TPPP: variants seen among roughly 807,000 people sequenced by gnomAD.
TPPP encodes tubulin polymerization promoting protein.
TPPP carries 6 observed loss-of-function variants against 15.5 expected under a neutral mutation model. The ratio of observed to expected loss-of-function variants is 0.39; its 90% CI spans 0.21 to 0.77. The LOEUF (loss-of-function observed/expected upper bound fraction) is 0.77, where lower values mean the gene tolerates loss of function less well. TPPP is among the 30% of genes least tolerant of loss of function. TPPP has a pLI of 0.42. For missense variants in TPPP, 269 were observed against 307.2 expected, an observed-to-expected ratio of 0.88 and a Z score of 0.93; for synonymous variants, 146 against 133.9, an observed-to-expected ratio of 1.09 and a Z score of -0.63.
chr5:675,486 G>T (rs866396810), intron 2 of TPPP, among the ~76,000 whole-genome samples: 1 of 141,442 alleles, frequency 7.1e-6, no homozygotes, highest in African/African-American at 2.8e-5. Flanking sequence ...GTGGCCAGGG[G>T]TACATTGTGG....
At chr5:681,093 T>A (rs1449431002) in intron 1 of TPPP, among the ~76,000 whole-genome samples, 1 of 152,160 alleles carries the variant, frequency 6.6e-6, no homozygotes, top group Admixed American at 6.5e-5. Context: ...TGGGCGCCTC[T>A]CCCTTGGCGC....
chr5:677,481 A>C (rs1431296283), intron 2 of TPPP, among the ~76,000 whole-genome samples: 1 of 151,956 alleles, frequency 6.6e-6, no homozygotes, highest in Non-Finnish European at 1.5e-5. Flanking sequence ...CCATGCCGAA[A>C]CCCTACACAC....
intron 2 of TPPP, among the ~76,000 whole-genome samples, chr5:667,670 G>C (rs1032975094): frequency 1.3e-4 from 19 of 151,964 alleles, no homozygotes; most frequent in African/African-American, 1.7e-4. Context: ...TTGTCTCTGA[G>C]ATACACAAAG....
At chr5:673,014 AGACTTTTTCTCCACAAGTCCTGT>A (rs1191736794) in intron 2 of TPPP, among the ~76,000 whole-genome samples, 1 of 152,230 alleles carries the variant, frequency 6.6e-6, no homozygotes, top group Non-Finnish European at 1.5e-5. Context: ...AGAAATCGGT[AGACTTTTTCTCCACAAGTCCTGT>A]CAGAGTCAGC....
At chr5:673,053 T>C (rs1026578432) in intron 2 of TPPP, among the ~76,000 whole-genome samples, 2 of 152,264 alleles carry the variant, frequency 1.3e-5, no homozygotes, top group African/African-American at 4.8e-5. Flanking sequence ...TCAGCAGCTT[T>C]CTGCAGTACC....
rs1467152487 is a variant in TPPP, at chr5:663,154, G to A, written c.*1948C>T. 7.7e-6 allele frequency: 1 copy of A among 129,306 alleles called. No individual in the cohort carries two copies. Among genetic ancestry groups the A allele is most frequent in the African/African-American group, 2.5e-5 (1 of 39,630 alleles). The allele number at this position is 129,306 out of a possible 1,614,324, so 8.0% of individuals were successfully genotyped here. ...TTCCGGTGACCGCTCGTCTGTGATC[G>A]GGTGAGTCCGATGACTGCTCGTCTG... On this transcript the variant is annotated 3_prime_UTR_variant, in exon 4 of 4. Coordinates refer to ENST00000360578, the MANE Select transcript of TPPP (RefSeq NM_007030.3).
chr5:679,730 G>T (rs1561090434), intron 1 of TPPP, among the ~76,000 whole-genome samples: 1 of 152,092 alleles, frequency 6.6e-6, no homozygotes, highest in Non-Finnish European at 1.5e-5. Context: ...CTCCTGTGGG[G>T]ACGCGCCTGA....
In TPPP at chr5:660,327, TGG is replaced by T. The variant is rs1320088901; in HGVS notation, c.*4773_*4774del. ...AGTTGTGCAGATTTCCTTTGTGGTT[TGG>T]CTTGGTTTAGTTTTTTAAGAGGTCG... is the stretch of plus-strand genomic sequence containing the variant. On this transcript the variant is annotated 3_prime_UTR_variant, in exon 4 of 4. Coordinates refer to ENST00000360578, the MANE Select transcript of TPPP (RefSeq NM_007030.3). 1 of 152,178 alleles carries T rather than the reference TGG, an allele frequency of 6.6e-6. No homozygotes were observed. The highest frequency in any genetic ancestry group is 1.5e-5 in the Non-Finnish European group (1 of 68,014). The allele number at this position is 152,178 out of a possible 1,614,324, so 9.4% of individuals were successfully genotyped here. A position where few individuals can be genotyped will look rare whatever the true frequency, so the allele number is the denominator to read the frequency against.
In TPPP at chr5:674,990, C is replaced by T. The variant is rs1046204758; in HGVS notation, c.311+2760G>A. On this transcript the variant is annotated intron_variant, in intron 2 of 3. Transcript: ENST00000360578. ...AGTCAGTCCACAAAGGATCTGTGGC[C>T]GGGGGAGCAGTGAGGGGGGCACAGT... 1.1e-3 allele frequency among the ~76,000 whole-genome samples: 118 copies of T among 111,842 alleles called. 1 individual carries two copies. Among genetic ancestry groups the T allele is most frequent in the Admixed American group, 2.3e-3 (21 of 9,042 alleles). The allele number at this position is 111,842 out of a possible 152,430, so 73.4% of individuals were successfully genotyped here. A position where few individuals can be genotyped will look rare whatever the true frequency, so the allele number is the denominator to read the frequency against.
intron 2 of TPPP, chr5:675,987 G>C (rs1205292028): frequency 6.6e-6 from 1 of 152,108 alleles, no homozygotes; most frequent in East Asian, 1.9e-4. Context: ...TCGCACCCGG[G>C]GCCCTGGATG....
chr5:680,701 C>T (rs1162127462), intron 1 of TPPP, among the ~76,000 whole-genome samples: 1 of 151,542 alleles, frequency 6.6e-6, no homozygotes, highest in East Asian at 1.9e-4. Context: ...CTTCCAAAGC[C>T]CGCCTCTGCG....
In TPPP at chr5:673,471, G is replaced by A. The variant is rs182372823; in HGVS notation, c.311+4279C>T. Among the ~76,000 whole-genome samples the A allele has an allele frequency of 1.9e-3, 286 of 152,158 alleles. 1 individual carries two copies. The highest frequency in any genetic ancestry group is 6.6e-3 in the African/African-American group (272 of 41,504). On this transcript the variant is annotated intron_variant, in intron 2 of 3. Coordinates refer to ENST00000360578, the MANE Select transcript of TPPP (RefSeq NM_007030.3). Reference sequence around the variant, plus strand: ...GGCTGCAGGTGAATGGGGAGGGGGGGAGGTCAGAATCCCTTGGCCTCCCCT... The same window carrying A: ...GGCTGCAGGTGAATGGGGAGGGGGGAAGGTCAGAATCCCTTGGCCTCCCCT...
In TPPP at chr5:665,989, G is replaced by A. The variant is rs1430685035; in HGVS notation, c.446C>T (p.Pro149Leu). 6 of 1,583,130 alleles carry A rather than the reference G, an allele frequency of 3.8e-6. No homozygotes were observed. The Admixed American group carries it at 5.1e-5, about 13-fold the overall frequency. The change falls in exon 3 of 4, where the codon CCC (proline) becomes CTC (leucine). Residue 149 changes from proline (P) to leucine (L), a missense_variant. Transcript: ENST00000360578. Reference sequence around the variant, plus strand: ...GCTCACCGTCACCCCTGAGATGATGGGCGCCTTGCCCTCGATGAGCCTGTG... The same window carrying A: ...GCTCACCGTCACCCCTGAGATGATGAGCGCCTTGCCCTCGATGAGCCTGTG... ...EVHRLIEGKA[P>L]IISGVTKAIS...
In TPPP at chr5:662,815, G is replaced by A. The variant is rs777395032; in HGVS notation, c.*2287C>T. On this transcript the variant is annotated 3_prime_UTR_variant, in exon 4 of 4. Transcript: ENST00000360578. ...CTCGTCCTCGGCCTTTTCAACACAA[G>A]GGCTTTGGAGTTGTGATGGGCTGTT... The A allele has an allele frequency of 1.3e-5, 2 of 152,464 alleles. No individual in the cohort carries two copies. Among genetic ancestry groups the A allele is most frequent in the Non-Finnish European group, 2.9e-5 (2 of 68,096 alleles). 9.4% of individuals were successfully genotyped at this position (152,464 alleles called of 1,614,324 possible). A position where few individuals can be genotyped will look rare whatever the true frequency, so the allele number is the denominator to read the frequency against.
chr5:688,587 C>G (rs1306526394), intron 1 of TPPP, among the ~76,000 whole-genome samples: 2 of 151,972 alleles, frequency 1.3e-5, no homozygotes, highest in Non-Finnish European at 2.9e-5. Flanking sequence ...GGCACTAGAA[C>G]TGCAGGTGGA....
chr5:661,430 C>T lies in TPPP; in HGVS notation c.*3672G>A, dbSNP rs1161260244. ...CCCTGTGTCCTGGTGTCACCCCCGA[C>T]AGAACCTGTCCCTGTGTCCTGGTGT... is the stretch of plus-strand genomic sequence containing the variant. On this transcript the variant is annotated 3_prime_UTR_variant, in exon 4 of 4. Transcript: ENST00000360578. The T allele has an allele frequency of 2.0e-5, 3 of 152,466 alleles. No individual in the cohort carries two copies. In the East Asian group the frequency reaches 5.6e-4, roughly 29 times the overall value. 9.4% of individuals were successfully genotyped at this position (152,466 alleles called of 1,614,324 possible).
intron 2 of TPPP, among the ~76,000 whole-genome samples, chr5:669,836 AG>A (rs1740139909): frequency 6.6e-6 from 1 of 151,958 alleles, no homozygotes; most frequent in Admixed American, 6.5e-5. Context: ...CAGGAGTTCT[AG>A]GACAGCGGTG....
At chr5:682,470 G>A (rs1415315340) in intron 1 of TPPP, among the ~76,000 whole-genome samples, 22 of 151,780 alleles carry the variant, frequency 1.4e-4, no homozygotes, top group African/African-American at 4.1e-4. Context: ...CTAGGGCCTG[G>A]GGTCTGTCAC....
chr5:671,707 C>A (rs1010603662), intron 2 of TPPP, among the ~76,000 whole-genome samples: 5 of 152,232 alleles, frequency 3.3e-5, no homozygotes, highest in Non-Finnish European at 5.9e-5. Flanking sequence ...AAGGGTCCCC[C>A]CGCAGGGGCT....
Sources: gnomAD v4.1 joint callset for allele counts (sites outside exome capture counted in the v4.1 genomes callset) on GRCh38, gnomAD v4.1.1 for gene constraint, MANE v1.5 for transcripts, NCBI Gene and HGNC (gene_info 2026-07-23, HGNC 2026-07-21) for gene names.